The following FLACC1 variants were observed in gnomAD, a reference collection of about 807,000 sequenced individuals.
FLACC1 encodes the protein flagellum associated containing coiled-coil domains 1.
FLACC1 carries 66 observed loss-of-function variants against 62.8 expected under a neutral mutation model. The observed-to-expected ratio is 1.05, with a 90% CI of 0.86 to 1.29. The LOEUF (loss-of-function observed/expected upper bound fraction) is 1.29, where lower values mean the gene tolerates loss of function less well. FLACC1 is among the 50% of genes most tolerant of loss of function. The pLI, the probability that FLACC1 is intolerant of heterozygous loss-of-function variation, is 0.00. For missense variants in FLACC1, 452 were observed against 489.1 expected (o/e 0.92, Z 0.71); for synonymous variants, 156 against 161.0 (o/e 0.97, Z 0.24).
Position 201,346,734 on chromosome 2 carries a change from A to G in FLACC1, c.235-59T>C, listed in dbSNP as rs1355298741. On this transcript the variant is annotated intron_variant, in intron 4 of 14. Coordinates refer to ENST00000392257, the MANE Select transcript of FLACC1 (RefSeq NM_001127391.3). This position sits in a 1 kb window ranked among gnomAD's most constrained non-coding sequence, Gnocchi z 4.0. ...GACTTGGAGTGCTGAGATTTTTCCA[A>G]ATCTTCTCTTATTGCCTCACTCACA... The G allele has an allele frequency of 6.2e-7, 1 of 1,605,028 alleles. No individual in the cohort carries two copies. The highest frequency in any genetic ancestry group is 8.5e-7 in the Non-Finnish European group (1 of 1,175,854).
intron 12 of FLACC1, among the ~76,000 whole-genome samples, chr2:201,293,380 A>G (rs1350875139): frequency 1.3e-5 from 2 of 152,156 alleles, no homozygotes; most frequent in Non-Finnish European, 1.5e-5. Flanking sequence ...ACTCAAAACC[A>G]CACAACTACA....
At chr2:201,294,632 C>T (rs1207645354) in intron 12 of FLACC1, among the ~76,000 whole-genome samples, 2 of 152,212 alleles carry the variant, frequency 1.3e-5, no homozygotes, top group East Asian at 1.9e-4. Context: ...TGCCCTCTCT[C>T]ACCACTCCCA....
At chr2:201,348,768 T>C (rs1419945634) in intron 3 of FLACC1, among the ~76,000 whole-genome samples, 1 of 152,202 alleles carries the variant, frequency 6.6e-6, no homozygotes, top group East Asian at 1.9e-4. Context: ...GATACAAATG[T>C]TGAAGTTAAA....
intron 9 of FLACC1, among the ~76,000 whole-genome samples, chr2:201,310,246 TTTCC>T (rs386654204): frequency 0.2 from 30,833 of 152,080 alleles, 3,365 homozygotes; most frequent in South Asian, 0.3. Context: ...TCTATGATGT[TTTCC>T]CTGAATATAC....
At chr2:201,290,941 A>G (rs1008125543) in intron 12 of FLACC1, among the ~76,000 whole-genome samples, 7 of 152,212 alleles carry the variant, frequency 4.6e-5, no homozygotes, top group African/African-American at 1.7e-4. Context: ...CTAGCACAGC[A>G]GTCTGAGATC....
intron 3 of FLACC1, among the ~76,000 whole-genome samples, chr2:201,349,781 C>T (rs140383772): frequency 3.3e-5 from 5 of 152,254 alleles, no homozygotes; most frequent in South Asian, 4.1e-4. Flanking sequence ...CCTAAATGCA[C>T]GGGAGGGTCG....
intron 2 of FLACC1, among the ~76,000 whole-genome samples, 192 bp from the exon 3 acceptor site, chr2:201,350,974 G>C (rs1951016523): frequency 6.6e-6 from 1 of 152,220 alleles, no homozygotes; most frequent in South Asian, 2.1e-4. Context: ...GTCCCAGGAA[G>C]AGTTTGTCCC....
At chr2:201,352,567 G>T (rs1951047754) in intron 1 of FLACC1, among the ~76,000 whole-genome samples, 1 of 152,150 alleles carries the variant, frequency 6.6e-6, no homozygotes, top group South Asian at 2.1e-4. Context: ...TCTCTCCATA[G>T]CTCACTATAG....
chr2:201,351,668 G>C (rs1195806198), intron 1 of FLACC1, among the ~76,000 whole-genome samples: 1 of 152,226 alleles, frequency 6.6e-6, no homozygotes, highest in African/African-American at 2.4e-5. Context: ...AACTGGCTGG[G>C]CATGGTGGCT....
At chr2:201,300,050 T>C (rs1375865594) in intron 11 of FLACC1, among the ~76,000 whole-genome samples, 1 of 152,180 alleles carries the variant, frequency 6.6e-6, no homozygotes, top group Non-Finnish European at 1.5e-5. Flanking sequence ...CAGGTTCATC[T>C]CACTGGGGCT....
Position 201,289,490 on chromosome 2 carries a change from A to G in FLACC1, c.1109T>C (p.Ile370Thr), listed in dbSNP as rs200824550. The change falls in exon 14 of 15, where the codon ATA becomes ACA. Residue 370 changes from isoleucine (I) to threonine (T), a missense_variant. Around this residue, in one of 3 missense-constraint regions of FLACC1, gnomAD observed 301 missense variants for 318.4 expected, o/e 0.95. Coordinates refer to ENST00000392257, the MANE Select transcript of FLACC1 (RefSeq NM_001127391.3). Reference sequence around the variant, plus strand: ...AATGTTCTCTTCCGTCAGGATCTGTATGGTGTGCTTATACTTTTCTTCAGT... The same window carrying G: ...AATGTTCTCTTCCGTCAGGATCTGTGTGGTGTGCTTATACTTTTCTTCAGT... The part of the protein sequence containing the change: ...AETEEKYKHT[I>T]QILTEENIHL... The G allele has an allele frequency of 3.7e-6, 6 of 1,614,190 alleles. No individual in the cohort carries two copies. The highest frequency in any genetic ancestry group is 1.1e-5 in the South Asian group (1 of 91,086).
At position 201,351,172 on chromosome 2, in the gene FLACC1, C is replaced by T. The variant is rs1024908542; in HGVS notation, c.113+120G>A. ...GGCAGGGAAGCTGGGGAAAGCGAGG[C>T]TTTCTGGCCCACCTGGGATTTTCCT... On this transcript the variant is annotated intron_variant, in intron 2 of 14. Coordinates refer to ENST00000392257, the MANE Select transcript of FLACC1 (RefSeq NM_001127391.3). The T allele has an allele frequency of 1.9e-5, 17 of 884,656 alleles. 1 individual carries two copies. The Admixed American group carries it at 4.0e-4, about 21-fold the overall frequency. The allele number at this position is 884,656 out of a possible 1,614,324, so 54.8% of individuals were successfully genotyped here.
chr2:201,301,085 G>A (rs929860410), intron 11 of FLACC1, among the ~76,000 whole-genome samples: 4 of 152,196 alleles, frequency 2.6e-5, no homozygotes, highest in South Asian at 2.1e-4. Context: ...ATGAATTGAC[G>A]AGTTGAGAGA....
chr2:201,362,414 G>T, the FLACC1 span, among the ~76,000 whole-genome samples: 1 of 152,010 alleles, frequency 6.6e-6, no homozygotes, highest in African/African-American at 2.4e-5. Flanking sequence ...AGTGTGTAAA[G>T]ATCATCTCTG....
chr2:201,350,605 T>C (rs970543260), intron 3 of FLACC1, 106 bp downstream of exon 3: 2 of 921,938 alleles, frequency 2.2e-6, no homozygotes, highest in Admixed American at 2.3e-5. Context: ...CGCTTGAGAC[T>C]GGGAGGCAGA....
intron 9 of FLACC1, among the ~76,000 whole-genome samples, chr2:201,316,935 TTAAAAA>T (rs1259358540): frequency 6.6e-6 from 1 of 151,938 alleles, no homozygotes; most frequent in East Asian, 1.9e-4. Context: ...ATAAAAAGAA[TTAAAAA>T]TAAAAATCAC....
chr2:201,293,952 C>T (rs1576409277), intron 12 of FLACC1, among the ~76,000 whole-genome samples: 2 of 152,138 alleles, frequency 1.3e-5, no homozygotes, highest in Non-Finnish European at 2.9e-5. Flanking sequence ...GACACATACA[C>T]ACTCCCAAGA....
chr2:201,309,927 A>T (rs1322069659), intron 9 of FLACC1, among the ~76,000 whole-genome samples: 1 of 148,338 alleles, frequency 6.7e-6, no homozygotes, highest in African/African-American at 2.5e-5. Context: ...AAAAAAAAAA[A>T]GAAGAAGAAA....
chr2:201,302,651 C>T (rs945758908), intron 11 of FLACC1, among the ~76,000 whole-genome samples: 1 of 152,162 alleles, frequency 6.6e-6, no homozygotes, highest in South Asian at 2.1e-4. Flanking sequence ...CCACATCACA[C>T]GTATTCCAAA....
Sources: gnomAD v4.1 joint callset for allele counts (sites outside exome capture counted in the v4.1 genomes callset) on GRCh38, gnomAD v4.1.1 for gene constraint, gnomAD v4.1.1 regional missense constraint, Gnocchi (gnomAD v3.1) non-coding constraint, MANE v1.5 for transcripts, NCBI Gene and HGNC (gene_info 2026-07-23, HGNC 2026-07-21) for gene names.